The following LGR4 variants were observed in gnomAD, a reference collection of about 807,000 sequenced individuals.
LGR4 encodes the protein leucine rich repeat containing G protein-coupled receptor 4, also known as leucine-rich repeat-containing G protein-coupled receptor 4.
In LGR4, 44 loss-of-function variants were observed where a neutral mutation model predicts 84.8. The ratio of observed to expected loss-of-function variants is 0.52; its 90% CI spans 0.41 to 0.67. LGR4 has a LOEUF of 0.67. Ranked by LOEUF, LGR4 falls within the 30% of genes least tolerant of loss-of-function variation. The pLI, the probability that LGR4 is intolerant of heterozygous loss-of-function variation, is 0.00. For missense variants in LGR4, 1,032 were observed against 1,131.4 expected (o/e 0.91, Z 1.26); for synonymous variants, 429 against 434.3 (o/e 0.99, Z 0.15).
At chr11:27,423,207 G>A (rs1863954484) in intron 1 of LGR4, among the ~76,000 whole-genome samples, 1 of 152,194 alleles carries the variant, frequency 6.6e-6, no homozygotes, top group South Asian at 2.1e-4. Context: ...AAGTGACCTA[G>A]GCAAGAACAG....
At chr11:27,447,816 G>A (rs1361191117) in intron 1 of LGR4, among the ~76,000 whole-genome samples, 1 of 152,100 alleles carries the variant, frequency 6.6e-6, no homozygotes. Flanking sequence ...CAATATGTTT[G>A]ACTAATGTGC....
intron 1 of LGR4, among the ~76,000 whole-genome samples, chr11:27,463,947 C>A (rs1864731079): frequency 1.3e-5 from 2 of 152,158 alleles, no homozygotes; most frequent in Non-Finnish European, 1.5e-5. Context: ...AACTGAAGAG[C>A]AATTATCACA....
chr11:27,371,500 G>A, intron 17 of LGR4, 115 bp downstream of exon 17: 1 of 654,748 alleles, frequency 1.5e-6, no homozygotes, highest in East Asian at 3.0e-5. Flanking sequence ...AGGCCTCACA[G>A]GATCCTCTAG....
chr11:27,393,939 T>G (rs56249964), intron 2 of LGR4, among the ~76,000 whole-genome samples: 4,233 of 10,050 alleles, frequency 0.42, 548 homozygotes, highest in Middle Eastern at 0.6. Context: ...CACTGAAGAT[T>G]GGGGGGGGGG....
chr11:27,436,590 T>C (rs1864216305), intron 1 of LGR4, among the ~76,000 whole-genome samples: 1 of 152,120 alleles, frequency 6.6e-6, no homozygotes, highest in African/African-American at 2.4e-5. Context: ...TGTAATAGTG[T>C]TTTCACCATA....
intron 1 of LGR4, among the ~76,000 whole-genome samples, chr11:27,427,631 A>T (rs1864046057): frequency 6.6e-6 from 1 of 152,206 alleles, no homozygotes; most frequent in Admixed American, 6.5e-5. Context: ...GTGGGTAGGC[A>T]CAATTTTTAC....
intron 1 of LGR4, among the ~76,000 whole-genome samples, chr11:27,465,472 G>A (rs1161871480): frequency 1.3e-5 from 2 of 152,258 alleles, no homozygotes; most frequent in Non-Finnish European, 2.9e-5. Flanking sequence ...GCCTGGACAC[G>A]ACACAGAATA....
intron 1 of LGR4, among the ~76,000 whole-genome samples, chr11:27,426,377 A>G (rs964305578): frequency 9.9e-5 from 15 of 152,232 alleles, no homozygotes; most frequent in Non-Finnish European, 8.8e-5. Flanking sequence ...GGAATGATGT[A>G]AAATTGGATT....
At chr11:27,413,100 A>C (rs1590373584) in intron 1 of LGR4, among the ~76,000 whole-genome samples, 1 of 152,100 alleles carries the variant, frequency 6.6e-6, no homozygotes, top group South Asian at 2.1e-4. Context: ...TCCCCTCTTA[A>C]GTATCCTTGG....
Position 27,369,013 on chromosome 11 carries a change from C to T in LGR4, c.1710G>A (p.Leu570=), listed in dbSNP as rs1194155219. ...AGCCTATAAACAATTTGGACGAAGG[C>T]AGTGATGTACAAGATGCAAATGTTG... The part of the protein sequence containing the change: ...ILTTFASCTS[L]PSSKLFIGLI... The change falls in exon 18 of 18, where the codon CTG becomes CTA. Residue 570 remains leucine, a synonymous_variant. Coordinates refer to ENST00000379214, the MANE Select transcript of LGR4 (RefSeq NM_018490.5). 6.2e-7 allele frequency: 1 copy of T among 1,613,940 alleles called. No homozygotes were observed. Among genetic ancestry groups the T allele is most frequent in the South Asian group, 1.1e-5 (1 of 91,066 alleles).
intron 1 of LGR4, among the ~76,000 whole-genome samples, chr11:27,452,718 G>C (rs1392881348): frequency 6.7e-6 from 1 of 149,972 alleles, no homozygotes; most frequent in Non-Finnish European, 1.5e-5. Flanking sequence ...CCGCCTCCCG[G>C]GTTCACACCA....
chr11:27,384,411 A>G lies in LGR4; in HGVS notation c.618-4T>C. The stretch of plus-strand genomic sequence containing the variant: ...AATTTTATTGTTATGAAGATGCCTA[A>G]GGGGGAAAAAAAGCATAAAATGACT... On this transcript the variant is annotated splice_polypyrimidine_tract_variant and splice_region_variant and intron_variant, in intron 5 of 17. Coordinates refer to ENST00000379214, the MANE Select transcript of LGR4 (RefSeq NM_018490.5). 1 of 1,601,092 alleles carries G rather than the reference A, an allele frequency of 6.2e-7. No individual in the cohort carries two copies. Among genetic ancestry groups the G allele is most frequent in the Non-Finnish European group, 8.5e-7 (1 of 1,170,230 alleles).
intron 2 of LGR4, among the ~76,000 whole-genome samples, chr11:27,399,844 C>T (rs1863465348): frequency 6.6e-6 from 1 of 152,122 alleles, no homozygotes; most frequent in Non-Finnish European, 1.5e-5. Flanking sequence ...AAGCAAAATA[C>T]ATACTTCTTA....
At chr11:27,430,904 C>A (rs1215774318) in intron 1 of LGR4, among the ~76,000 whole-genome samples, 1 of 152,016 alleles carries the variant, frequency 6.6e-6, no homozygotes, top group East Asian at 1.9e-4. Flanking sequence ...CCCAGCTCCC[C>A]CAACCCCCAC....
chr11:27,392,730 T>G (rs1372886562), intron 2 of LGR4, among the ~76,000 whole-genome samples: 1 of 152,044 alleles, frequency 6.6e-6, no homozygotes. Context: ...TAAGTCCCAA[T>G]ACAATAATTT....
intron 2 of LGR4, among the ~76,000 whole-genome samples, chr11:27,407,423 G>A (rs1050322843): frequency 2.6e-5 from 4 of 152,050 alleles, no homozygotes; most frequent in Non-Finnish European, 4.4e-5. Context: ...TTTACTCTAT[G>A]AGCACAGTTA....
chr11:27,436,856 TGATA>T (rs1185365143), intron 1 of LGR4, among the ~76,000 whole-genome samples: 1 of 151,994 alleles, frequency 6.6e-6, no homozygotes, highest in African/African-American at 2.4e-5. Context: ...TGAATCTGTT[TGATA>T]GATAGGCCCT....
intron 1 of LGR4, among the ~76,000 whole-genome samples, chr11:27,456,092 A>C (rs1759798487): frequency 6.6e-6 from 1 of 152,222 alleles, no homozygotes; most frequent in Admixed American, 6.5e-5. Context: ...TGAAATGAGA[A>C]AGCAAAATGC....
chr11:27,427,025 G>C (rs1864034519), intron 1 of LGR4, among the ~76,000 whole-genome samples: 1 of 152,082 alleles, frequency 6.6e-6, no homozygotes, highest in African/African-American at 2.4e-5. Context: ...TCAAAACAAA[G>C]AGAAAAACAG....
Sources: allele counts gnomAD v4.1 joint callset (sites outside exome capture counted in the v4.1 genomes callset), GRCh38; gene constraint gnomAD v4.1.1; transcripts MANE v1.5; gene names NCBI Gene and HGNC (gene_info 2026-07-23, HGNC 2026-07-21).